The following TANC2 variants were observed in gnomAD, a reference collection of about 807,000 sequenced individuals.
The protein encoded by TANC2 is protein TANC2.
A neutral mutation model predicts 210.5 loss-of-function variants in TANC2; 26 were observed. The ratio of observed to expected loss-of-function variants is 0.12; its 90% CI spans 0.09 to 0.17. TANC2 has a LOEUF of 0.17. Ranked by LOEUF, TANC2 falls within the 10% of genes least tolerant of loss-of-function variation. The probability of loss-of-function intolerance (pLI) is 1.00; values close to 1 mark genes in which losing one functional copy is unlikely to be tolerated. For synonymous variants in TANC2, 931 were observed against 967.1 expected, an observed-to-expected ratio of 0.96 and a Z score of 0.69; for missense variants, 2,129 against 2,608.9, an observed-to-expected ratio of 0.82 and a Z score of 4.01.
intron 14 of TANC2, among the ~76,000 whole-genome samples, chr17:63,366,608 G>T (rs1208129288): frequency 6.6e-6 from 1 of 152,182 alleles, no homozygotes; most frequent in Non-Finnish European, 1.5e-5. Flanking sequence ...GAACAGAAAG[G>T]CAGTAGGAAG....
chr17:63,160,328 C>G (rs2039983906), intron 5 of TANC2, among the ~76,000 whole-genome samples: 1 of 152,066 alleles, frequency 6.6e-6, no homozygotes, highest in Admixed American at 6.6e-5. Context: ...TTGCTTGAGG[C>G]CAGGAGTTCA....
At chr17:62,999,642 A>G (rs1196212529) in intron 1 of TANC2, among the ~76,000 whole-genome samples, 1 of 151,584 alleles carries the variant, frequency 6.6e-6, no homozygotes, top group African/African-American at 2.4e-5. Flanking sequence ...TTTTTTAGCT[A>G]ATCAACTATT....
chr17:63,389,652 A>G, intron 17 of TANC2, 108 bp downstream of exon 17: 1 of 1,092,258 alleles, frequency 9.2e-7, no homozygotes, highest in Non-Finnish European at 1.3e-6. Context: ...AGTATATCAA[A>G]CCATGATGGA....
At chr17:63,336,610 C>T (rs1227640544) in intron 11 of TANC2, among the ~76,000 whole-genome samples, 5 of 152,052 alleles carry the variant, frequency 3.3e-5, no homozygotes, top group Non-Finnish European at 4.4e-5. Flanking sequence ...TTCTTTCTTC[C>T]CTCACAAGAG....
At chr17:63,171,149 G>T (rs535569863) in intron 5 of TANC2, among the ~76,000 whole-genome samples, 2 of 139,850 alleles carry the variant, frequency 1.4e-5, no homozygotes, top group African/African-American at 5.5e-5. Context: ...GCAGTGGTGC[G>T]ATCTCAGCTC....
intron 3 of TANC2, among the ~76,000 whole-genome samples, chr17:63,091,173 T>C (rs1230203900): frequency 7.0e-6 from 1 of 142,718 alleles, no homozygotes; most frequent in Non-Finnish European, 1.5e-5. Context: ...CTGTTCACTC[T>C]GATAGTGGTT....
chr17:63,427,592 A>C (rs1025954594), exon 28 of TANC2: 1 of 152,234 alleles, frequency 6.6e-6, no homozygotes, highest in Non-Finnish European at 1.5e-5. Flanking sequence ...TAGATGTGAA[A>C]AGTTCAAATG....
chr17:63,049,772 GA>G (rs1378105773), intron 2 of TANC2, among the ~76,000 whole-genome samples: 1 of 152,172 alleles, frequency 6.6e-6, no homozygotes, highest in Non-Finnish European at 1.5e-5. Flanking sequence ...GGCTGGGATG[GA>G]AGCAGAGAAA....
At chr17:63,231,096 T>C (rs2042464145) in intron 7 of TANC2, among the ~76,000 whole-genome samples, 1 of 152,192 alleles carries the variant, frequency 6.6e-6, no homozygotes, top group Non-Finnish European at 1.5e-5. Context: ...AACCCCTGCT[T>C]TTTTCTGCTT....
At chr17:63,188,578 ACT>A (rs1432986805) in intron 5 of TANC2, among the ~76,000 whole-genome samples, 1 of 138,308 alleles carries the variant, frequency 7.2e-6, no homozygotes, top group Non-Finnish European at 1.5e-5. Context: ...ACAGAGTGAG[ACT>A]CTGTCCAAAA....
intron 3 of TANC2, among the ~76,000 whole-genome samples, chr17:63,077,980 G>A (rs2036631457): frequency 6.6e-6 from 1 of 152,060 alleles, no homozygotes; most frequent in African/African-American, 2.4e-5. Flanking sequence ...GTTTTCTAAT[G>A]TCTTTATCTG....
chr17:63,403,374 GT>G (rs2048401378), intron 19 of TANC2, among the ~76,000 whole-genome samples: 1 of 152,038 alleles, frequency 6.6e-6, no homozygotes, highest in South Asian at 2.1e-4. Flanking sequence ...CAAATGGTTT[GT>G]TTTATGCACC....
At position 63,038,789 on chromosome 17, in the gene TANC2, A is replaced by G. The variant is rs371539041; in HGVS notation, c.67+29163A>G. 2.0e-5 allele frequency among the ~76,000 whole-genome samples: 3 copies of G among 152,316 alleles called. No individual in the cohort carries two copies. The South Asian group carries it at 6.2e-4, about 32-fold the overall frequency. ...TGTATTTAAAAGACCAGGCTGTGCT[A>G]TAGAATAACTTTATGACCTTGGGAA... On this transcript the variant is annotated intron_variant, in intron 2 of 27. Transcript: ENST00000689528.
intron 14 of TANC2, among the ~76,000 whole-genome samples, chr17:63,363,163 A>C (rs1327798735): frequency 6.6e-6 from 1 of 152,198 alleles, no homozygotes; most frequent in African/African-American, 2.4e-5. Context: ...TCTTCTTTTG[A>C]GAAATGTCTA....
exon 4 of TANC2, chr17:63,099,281 T>G: frequency 6.3e-7 from 1 of 1,590,664 alleles, no homozygotes; most frequent in South Asian, 1.1e-5. Flanking sequence ...AGGGCATGTC[T>G]CGCTCTCTTC....
At chr17:63,198,000 C>A (rs955982245) in intron 6 of TANC2, among the ~76,000 whole-genome samples, 2 of 152,138 alleles carry the variant, frequency 1.3e-5, no homozygotes, top group Admixed American at 1.3e-4. Context: ...GATACACATT[C>A]TCTGATATGT....
At chr17:62,994,125 A>G (rs2032996532) in intron 1 of TANC2, among the ~76,000 whole-genome samples, 1 of 151,926 alleles carries the variant, frequency 6.6e-6, no homozygotes, top group Admixed American at 6.6e-5. Context: ...TTTCTGCCTA[A>G]TTGCCCTGAA....
intron 19 of TANC2, among the ~76,000 whole-genome samples, chr17:63,404,449 T>C (rs2147276047): frequency 6.6e-6 from 1 of 152,312 alleles, no homozygotes; most frequent in East Asian, 1.9e-4. Context: ...TGTAGCTATT[T>C]TTACCTGTGA....
intron 14 of TANC2, among the ~76,000 whole-genome samples, chr17:63,369,627 C>T (rs1265104768): frequency 2.0e-5 from 3 of 149,398 alleles, no homozygotes; most frequent in Non-Finnish European, 4.4e-5. Flanking sequence ...GATCTCAGCT[C>T]ATGGCAGCCC....
Sources: allele counts gnomAD v4.1 joint callset (sites outside exome capture counted in the v4.1 genomes callset), GRCh38; gene constraint gnomAD v4.1.1; transcripts MANE v1.5; gene names NCBI Gene and HGNC (gene_info 2026-07-23, HGNC 2026-07-21).